Variants in LRRTM3 observed in about 807,000 individuals in gnomAD.
The protein encoded by LRRTM3 is leucine-rich repeat transmembrane neuronal protein 3.
A neutral mutation model predicts 44.7 loss-of-function variants in LRRTM3; 24 were observed. The ratio of observed to expected loss-of-function variants is 0.54; its 90% CI spans 0.39 to 0.76. LRRTM3 has a LOEUF of 0.76. Among genes scored for constraint, LRRTM3 ranks in the 30% least tolerant of loss-of-function variants. LRRTM3 has a pLI of 0.00. For missense variants in LRRTM3, 587 were observed against 702.2 expected, an observed-to-expected ratio of 0.84 and a Z score of 1.85; for synonymous variants, 277 against 278.7, an observed-to-expected ratio of 0.99 and a Z score of 0.06.
chr10:67,043,574 T>C lies in LRRTM3; in HGVS notation c.1537-54013T>C, dbSNP rs969715246. ...TGTAACACTCTGAATCTCACATCTT[T>C]CCTCAGTCATTGATGTGCTGATCGT... On this transcript the variant is annotated intron_variant, in intron 2 of 2. Coordinates refer to ENST00000361320, the MANE Select transcript of LRRTM3 (RefSeq NM_178011.5). Among the ~76,000 whole-genome samples the C allele has an allele frequency of 2.0e-5, 3 of 152,274 alleles. No homozygotes were observed. In the East Asian group the frequency reaches 5.8e-4, roughly 29 times the overall value.
intron 2 of LRRTM3, among the ~76,000 whole-genome samples, chr10:67,063,657 G>C (rs1008648143): frequency 6.6e-6 from 1 of 152,192 alleles, no homozygotes; most frequent in Non-Finnish European, 1.5e-5. Context: ...GCTCTTTCGA[G>C]AATAAATACT....
intron 2 of LRRTM3, among the ~76,000 whole-genome samples, chr10:67,044,109 A>G: frequency 6.6e-6 from 1 of 151,880 alleles, no homozygotes; most frequent in Non-Finnish European, 1.5e-5. Flanking sequence ...TTTCCCCCCA[A>G]CTAGTCGCCA....
intron 2 of LRRTM3, among the ~76,000 whole-genome samples, chr10:67,082,659 G>T (rs966643664): frequency 6.6e-6 from 1 of 152,104 alleles, no homozygotes; most frequent in African/African-American, 2.4e-5. Flanking sequence ...AATTAGATAG[G>T]AATATGTTAT....
intron 2 of LRRTM3, among the ~76,000 whole-genome samples, chr10:66,940,501 G>C (rs536500270): frequency 6.6e-6 from 1 of 152,268 alleles, no homozygotes; most frequent in African/African-American, 2.4e-5. Flanking sequence ...ATTTTGCATA[G>C]AGTGTCTCAT....
intron 2 of LRRTM3, among the ~76,000 whole-genome samples, chr10:67,008,373 T>C (rs943243944): frequency 6.6e-6 from 1 of 152,216 alleles, no homozygotes; most frequent in East Asian, 1.9e-4. Context: ...TAAAGATTTA[T>C]ATTCAGTTTT....
intron 2 of LRRTM3, among the ~76,000 whole-genome samples, chr10:66,967,706 C>T (rs1001368195): frequency 2.0e-5 from 3 of 151,924 alleles, no homozygotes; most frequent in Non-Finnish European, 2.9e-5. Flanking sequence ...AAAATGAAGT[C>T]TTAAGAAAAT....
intron 2 of LRRTM3, among the ~76,000 whole-genome samples, chr10:66,983,964 A>G (rs2132895506): frequency 6.6e-6 from 1 of 152,336 alleles, no homozygotes; most frequent in African/African-American, 2.4e-5. Flanking sequence ...GGTAGATACT[A>G]TTATTATCTC....
intron 2 of LRRTM3, among the ~76,000 whole-genome samples, chr10:66,944,596 C>T (rs1362306143): frequency 6.6e-6 from 1 of 152,104 alleles, no homozygotes; most frequent in Non-Finnish European, 1.5e-5. Context: ...ATTTACTTTG[C>T]CCAGATCCAT....
At chr10:67,089,507 C>A (rs1331269742) in intron 2 of LRRTM3, among the ~76,000 whole-genome samples, 3 of 151,850 alleles carry the variant, frequency 2.0e-5, no homozygotes, top group Non-Finnish European at 4.4e-5. Flanking sequence ...ACAAATAAAT[C>A]AGTTTCAAAG....
intron 2 of LRRTM3, among the ~76,000 whole-genome samples, chr10:66,979,467 C>A (rs1444101625): frequency 6.6e-6 from 1 of 152,046 alleles, no homozygotes; most frequent in African/African-American, 2.4e-5. Flanking sequence ...GAGTTTCTGG[C>A]ATAAAATTCT....
rs552512913 is a variant in LRRTM3 at position 66,970,244 on chromosome 10, TTA to T, written c.1536+41795_1536+41796del. ...ATTAGATTCAAGCATCCACAAAAGT[TTA>T]TAGTCTGTCAGTCATAAGGATGGCT... On this transcript the variant is annotated intron_variant, in intron 2 of 2. Transcript: ENST00000361320. 1.6e-4 allele frequency among the ~76,000 whole-genome samples: 25 copies of T among 152,248 alleles called. No homozygotes were observed. In the South Asian group the frequency reaches 5.2e-3, roughly 32 times the overall value.
At chr10:66,959,346 T>C (rs1279124224) in intron 2 of LRRTM3, among the ~76,000 whole-genome samples, 1 of 152,210 alleles carries the variant, frequency 6.6e-6, no homozygotes, top group Non-Finnish European at 1.5e-5. Flanking sequence ...ACAGGATTTC[T>C]ATTTTTATTC....
intron 2 of LRRTM3, among the ~76,000 whole-genome samples, chr10:67,045,354 T>C (rs1854661709): frequency 6.6e-6 from 1 of 152,198 alleles, no homozygotes; most frequent in Non-Finnish European, 1.5e-5. Flanking sequence ...GCAGAAACCC[T>C]GGAGGTCACC....
chr10:66,955,523 T>G (rs1589486329), intron 2 of LRRTM3, among the ~76,000 whole-genome samples: 1 of 152,154 alleles, frequency 6.6e-6, no homozygotes, highest in East Asian at 1.9e-4. Context: ...CACTTATCTG[T>G]TTGGCTCCAA....
chr10:67,011,133 T>A (rs1215336126), intron 2 of LRRTM3, among the ~76,000 whole-genome samples: 1 of 151,938 alleles, frequency 6.6e-6, no homozygotes, highest in African/African-American at 2.4e-5. Context: ...GTCAAGACCA[T>A]CCTGGCTAAC....
rs138342605 is a variant in LRRTM3, at chr10:67,088,387, AT to A, written c.1537-9194del. Among the ~76,000 whole-genome samples, 338 of 151,992 alleles carry A rather than the reference AT, an allele frequency of 2.2e-3. 1 individual carries two copies. The highest frequency in any genetic ancestry group is 7.7e-3 in the African/African-American group (320 of 41,498). On this transcript the variant is annotated intron_variant, in intron 2 of 2. Transcript: ENST00000361320. ...CAATGCATATAGCCAATCCATATTT[AT>A]TTTTTCTTGCAAAACTGAAACAAAA...
intron 2 of LRRTM3, among the ~76,000 whole-genome samples, chr10:66,953,624 T>C (rs905746519): frequency 8.5e-5 from 13 of 152,152 alleles, no homozygotes; most frequent in African/African-American, 3.1e-4. Flanking sequence ...TACATTACCT[T>C]ATAAAAATAA....
intron 2 of LRRTM3, among the ~76,000 whole-genome samples, chr10:67,082,119 C>G (rs745710466): frequency 6.6e-5 from 10 of 152,098 alleles, no homozygotes; most frequent in Non-Finnish European, 1.5e-4. Flanking sequence ...TCTTTCAATG[C>G]TATAGAGAGG....
chr10:67,069,231 T>A (rs1200257368), intron 2 of LRRTM3, among the ~76,000 whole-genome samples: 1 of 152,002 alleles, frequency 6.6e-6, no homozygotes, highest in East Asian at 1.9e-4. Context: ...ATGATCAAAG[T>A]ATACCCTTTT....
Sources: gnomAD v4.1 joint callset for allele counts (sites outside exome capture counted in the v4.1 genomes callset) on GRCh38, gnomAD v4.1.1 for gene constraint, MANE v1.5 for transcripts, NCBI Gene and HGNC (gene_info 2026-07-23, HGNC 2026-07-21) for gene names.